C1orf21: variants seen among roughly 807,000 people sequenced by gnomAD.
C1orf21 encodes the protein uncharacterized protein C1orf21.
In C1orf21, 3 loss-of-function variants were observed where a neutral mutation model predicts 18.7. The ratio of observed to expected loss-of-function variants is 0.16; its 90% CI spans 0.07 to 0.42. The LOEUF is 0.42. Among genes scored for constraint, C1orf21 ranks in the 10% least tolerant of loss-of-function variants. The pLI, the probability that C1orf21 is intolerant of heterozygous loss-of-function variation, is 0.99. For synonymous variants in C1orf21, 41 were observed against 46.4 expected (o/e 0.88, Z 0.47); for missense variants, 104 against 143.6 (o/e 0.72, Z 1.41).
intron 1 of C1orf21, among the ~76,000 whole-genome samples, chr1:184,408,033 C>A (rs1484800004): frequency 6.6e-6 from 1 of 152,090 alleles, no homozygotes; most frequent in African/African-American, 2.4e-5. Context: ...TCAGGTGGGC[C>A]ACAGACAGTC....
At chr1:184,408,437 A>G (rs1188129077) in intron 1 of C1orf21, 1 of 152,248 alleles carries the variant, frequency 6.6e-6, no homozygotes, top group Non-Finnish European at 1.5e-5. Flanking sequence ...ATTCTGCTGC[A>G]GCAGCCCAGG....
chr1:184,499,153 C>T (rs561777639), intron 2 of C1orf21, among the ~76,000 whole-genome samples: 2 of 152,108 alleles, frequency 1.3e-5, no homozygotes, highest in East Asian at 3.9e-4. Context: ...CCTCCCCTTC[C>T]TCCTCCTCCT....
At chr1:184,483,673 A>G (rs1657689451) in intron 2 of C1orf21, among the ~76,000 whole-genome samples, 2 of 152,146 alleles carry the variant, frequency 1.3e-5, no homozygotes, top group Non-Finnish European at 2.9e-5. Context: ...TGTCCTCAGG[A>G]GGAATCTCCT....
At chr1:184,528,093 A>G (rs914031787) in intron 3 of C1orf21, among the ~76,000 whole-genome samples, 2 of 152,202 alleles carry the variant, frequency 1.3e-5, no homozygotes, top group East Asian at 3.8e-4. Flanking sequence ...TGTTTATTCC[A>G]TATTTTAAGT....
intron 3 of C1orf21, among the ~76,000 whole-genome samples, chr1:184,511,653 G>A (rs895346530): frequency 2.0e-5 from 3 of 152,156 alleles, no homozygotes; most frequent in African/African-American, 4.8e-5. Flanking sequence ...ATATTAGTCC[G>A]TTTTCATGCT....
At chr1:184,393,855 T>C (rs1656009212) in intron 1 of C1orf21, among the ~76,000 whole-genome samples, 1 of 152,230 alleles carries the variant, frequency 6.6e-6, no homozygotes, top group South Asian at 2.1e-4. Flanking sequence ...TTTGGTTAAG[T>C]AAATGTTGGT....
In C1orf21 at chr1:184,619,783, A is replaced by G; in HGVS notation, c.*227A>G. The G allele has an allele frequency of 4.6e-6, 2 of 434,440 alleles. No individual in the cohort carries two copies. The highest frequency in any genetic ancestry group is 4.0e-6 in the Non-Finnish European group (1 of 249,986). The allele number at this position is 434,440 out of a possible 1,614,324, so 26.9% of individuals were successfully genotyped here. On this transcript the variant is annotated 3_prime_UTR_variant, in exon 6 of 6. Transcript: ENST00000235307. ...TTATCGAACTTTCTTTGTTGCTGCTAGTTAAAACTTGTTGCAACTTTTCAC... is the reference window on the plus strand; with the variant it reads ...TTATCGAACTTTCTTTGTTGCTGCTGGTTAAAACTTGTTGCAACTTTTCAC...
intron 1 of C1orf21, among the ~76,000 whole-genome samples, chr1:184,418,538 C>G (rs1412293803): frequency 6.6e-6 from 1 of 152,164 alleles, no homozygotes; most frequent in African/African-American, 2.4e-5. Context: ...CTTCTGCGCT[C>G]TGGGAACTGC....
intron 1 of C1orf21, among the ~76,000 whole-genome samples, chr1:184,418,161 A>C (rs1370100413): frequency 6.8e-6 from 1 of 147,966 alleles, no homozygotes; most frequent in African/African-American, 2.5e-5. Flanking sequence ...CATCAACTAA[A>C]ACTTTGGTCC....
At chr1:184,488,998 C>T (rs1657775025) in intron 2 of C1orf21, among the ~76,000 whole-genome samples, 1 of 151,950 alleles carries the variant, frequency 6.6e-6, no homozygotes. Flanking sequence ...TGTAAAAGTA[C>T]TACAAAAAAC....
At position 184,427,994 on chromosome 1, in the gene C1orf21, A is replaced by G. The variant is rs557466230; in HGVS notation, c.-125+40626A>G. ...ATCTAAAACAAGATCAGGTTGCTCA[A>G]TTTTAAATACTAGTTCAGCTGTACA... On this transcript the variant is annotated intron_variant, in intron 1 of 5. Transcript: ENST00000235307. 3.9e-5 allele frequency among the ~76,000 whole-genome samples: 6 copies of G among 152,276 alleles called. No individual in the cohort carries two copies. In the South Asian group the frequency reaches 1.2e-3, roughly 32 times the overall value.
Position 184,517,262 on chromosome 1 carries a change from C to T in C1orf21, c.189+9580C>T, listed in dbSNP as rs73046703. 5.0e-3 allele frequency among the ~76,000 whole-genome samples: 764 copies of T among 152,282 alleles called. 6 individuals are homozygous for T. Among genetic ancestry groups the T allele is most frequent in the African/African-American group, 0.018 (735 of 41,566 alleles). On this transcript the variant is annotated intron_variant, in intron 3 of 5. Coordinates refer to ENST00000235307, the MANE Select transcript of C1orf21 (RefSeq NM_030806.4). ...GTAGATATTCTCATATTTAGGAACC[C>T]TCTACAAGTCCATTTGAACTCTTTA...
chr1:184,463,737 C>G (rs1657343079), intron 1 of C1orf21, among the ~76,000 whole-genome samples: 1 of 152,182 alleles, frequency 6.6e-6, no homozygotes, highest in African/African-American at 2.4e-5. Flanking sequence ...GAGGTAAATG[C>G]TAACTTCAAA....
chr1:184,402,957 A>C (rs955043600), intron 1 of C1orf21, among the ~76,000 whole-genome samples: 3 of 152,226 alleles, frequency 2.0e-5, no homozygotes, highest in Non-Finnish European at 4.4e-5. Flanking sequence ...TATACCTTGT[A>C]AAGTGTTCCC....
chr1:184,527,367 A>G (rs1658392780), intron 3 of C1orf21, among the ~76,000 whole-genome samples: 1 of 152,220 alleles, frequency 6.6e-6, no homozygotes, highest in Non-Finnish European at 1.5e-5. Context: ...AGGCTGGTAA[A>G]GGAGCATAAA....
At chr1:184,596,847 G>T (rs1311138568) in intron 4 of C1orf21, among the ~76,000 whole-genome samples, 1 of 150,678 alleles carries the variant, frequency 6.6e-6, no homozygotes, top group Non-Finnish European at 1.5e-5. Context: ...CTCCAGCCTG[G>T]GCGAAAGTGC....
rs192881067 is a variant in C1orf21, at chr1:184,595,428, G to A, written c.267-2973G>A. On this transcript the variant is annotated intron_variant, in intron 4 of 5. Transcript: ENST00000235307. ...TTATGCAGGAACTGTTTTCTACAGT[G>A]CAGTTTGTACTCTTGAAGGTAAACA... Among the ~76,000 whole-genome samples the A allele has an allele frequency of 1.5e-3, 230 of 152,308 alleles. 3 individuals are homozygous for A. The highest frequency in any genetic ancestry group is 0.015 in the Admixed American group (230 of 15,302).
rs1175718038 is a variant in C1orf21 at position 184,387,718 on chromosome 1, C to T, written c.-125+350C>T. Reference sequence around the variant, plus strand: ...GTGTTAGACACCCCTCCCTTCCCACCCGCACCCTGCCGCCCTCAGCCTTCC... The same window carrying T: ...GTGTTAGACACCCCTCCCTTCCCACTCGCACCCTGCCGCCCTCAGCCTTCC... On this transcript the variant is annotated intron_variant, in intron 1 of 5. Coordinates refer to ENST00000235307, the MANE Select transcript of C1orf21 (RefSeq NM_030806.4). The surrounding 1 kb of genome is among the most constrained non-coding windows in gnomAD (Gnocchi z 5.6). 6.6e-6 allele frequency among the ~76,000 whole-genome samples: 1 copy of T among 152,184 alleles called. No homozygotes were observed. The highest frequency in any genetic ancestry group is 1.5e-5 in the Non-Finnish European group (1 of 68,032).
chr1:184,619,718 C>G lies in C1orf21; in HGVS notation c.*162C>G, dbSNP rs769936547. 1.8e-6 allele frequency: 1 copy of G among 541,034 alleles called. No individual in the cohort carries two copies. The highest frequency in any genetic ancestry group is 3.7e-5 in the Admixed American group (1 of 26,870). 33.5% of individuals were successfully genotyped at this position (541,034 alleles called of 1,614,324 possible). On this transcript the variant is annotated 3_prime_UTR_variant, in exon 6 of 6. Coordinates refer to ENST00000235307, the MANE Select transcript of C1orf21 (RefSeq NM_030806.4). ...TTAAATTACAGTGTTTCTTAATGAA[C>G]TTGCAAAGGAATATTGCTAAAAACA... is the stretch of plus-strand genomic sequence containing the variant.
Sources: allele counts gnomAD v4.1 joint callset (sites outside exome capture counted in the v4.1 genomes callset), GRCh38; gene constraint gnomAD v4.1.1; non-coding constraint Gnocchi (gnomAD v3.1); transcripts MANE v1.5; gene names NCBI Gene and HGNC (gene_info 2026-07-23, HGNC 2026-07-21).